WDFY4: variants seen among roughly 807,000 people sequenced by gnomAD.
WDFY4 encodes the protein WDFY family member 4, also known as WD repeat- and FYVE domain-containing protein 4.
Under a neutral mutation model 351.9 loss-of-function variants are expected in WDFY4, and 169 were observed. That is an observed-to-expected ratio of 0.48 (90% CI 0.42 to 0.55). WDFY4 has a LOEUF of 0.55. WDFY4 is among the 20% of genes least tolerant of loss of function. WDFY4 has a pLI of 0.00. For synonymous variants in WDFY4, 1,622 were observed against 1,574.6 expected (o/e 1.03, Z -0.71); for missense variants, 3,803 against 3,935.6 (o/e 0.97, Z 0.90).
chr10:48,732,096 C>G lies in WDFY4; in HGVS notation c.1582+534C>G, dbSNP rs112523316. On this transcript the variant is annotated intron_variant, in intron 9 of 61. Coordinates refer to ENST00000325239, the MANE Select transcript of WDFY4 (RefSeq NM_001394531.1). Reference sequence around the variant, plus strand: ...GCAACATTCCCTTGCCCCTACTTGGCCCCTGCACCCTGGAGTCTCAATCCC... The same window carrying G: ...GCAACATTCCCTTGCCCCTACTTGGGCCCTGCACCCTGGAGTCTCAATCCC... Among the ~76,000 whole-genome samples the G allele has an allele frequency of 4.5e-3, 680 of 152,268 alleles. 5 individuals carry two copies. Among genetic ancestry groups the G allele is most frequent in the African/African-American group, 0.015 (644 of 41,558 alleles).
intron 24 of WDFY4, among the ~76,000 whole-genome samples, chr10:48,797,766 C>A (rs2066923108): frequency 6.6e-6 from 1 of 152,116 alleles, no homozygotes; most frequent in South Asian, 2.1e-4. Context: ...CTTTTAAAAA[C>A]ATTTTCTTAG....
chr10:48,812,216 A>T (rs1285547796), intron 30 of WDFY4, among the ~76,000 whole-genome samples: 1 of 138,684 alleles, frequency 7.2e-6, no homozygotes, highest in African/African-American at 3.0e-5. Context: ...TTTGAGACAG[A>T]GTCTTACTGT....
At chr10:48,775,856 T>C (rs762283182) in intron 15 of WDFY4, 50 bp downstream of exon 15, 2 of 1,468,814 alleles carry the variant, frequency 1.4e-6, no homozygotes, top group African/African-American at 1.4e-5. Context: ...TAAAAGATGA[T>C]AGGCATTCCT....
chr10:48,813,986 C>T lies in WDFY4; in HGVS notation c.5244C>T (p.Leu1748=), dbSNP rs762270124. 10 of 1,550,076 alleles carry T rather than the reference C, an allele frequency of 6.5e-6. No individual in the cohort carries two copies. Among genetic ancestry groups the T allele is most frequent in the Middle Eastern group, 3.3e-4 (2 of 5,980 alleles). ...GCCTTGATGCCATGCTTCAGTGGCTCCTGCAGAGGCACCACCAGGAAGAAG... is the reference window on the plus strand; with the variant it reads ...GCCTTGATGCCATGCTTCAGTGGCTTCTGCAGAGGCACCACCAGGAAGAAG... ...KDSLDAMLQW[L]LQRHHQEEVL... The change falls in exon 31 of 62, where the codon CTC becomes CTT. Residue 1748 remains leucine (L), a synonymous_variant. Transcript: ENST00000325239.
chr10:48,941,242 G>A (rs994457423), intron 47 of WDFY4, among the ~76,000 whole-genome samples: 2 of 152,176 alleles, frequency 1.3e-5, no homozygotes, highest in South Asian at 2.1e-4. Context: ...AGAACCGGGT[G>A]TACGATGTGA....
At chr10:48,961,651 G>T (rs1841865215) in intron 53 of WDFY4, among the ~76,000 whole-genome samples, 1 of 152,192 alleles carries the variant, frequency 6.6e-6, no homozygotes, top group African/African-American at 2.4e-5. Context: ...GGAACCGAGA[G>T]GCCAGAGATC....
At position 48,774,524 on chromosome 10, in the gene WDFY4, C is replaced by T. The variant is rs1348846634; in HGVS notation, c.2620C>T (p.Arg874Cys). ...GTCCCTGGTGAAGTCGGAGAAGAAC[C>T]GCCAGGTCATGTGCGAAGCAGGCTT... ...IQSLVKSEKN[R>C]QVMCEAGLLG... The change falls in exon 14 of 62, where the codon CGC becomes TGC. Residue 874 changes from arginine (R) to cysteine (C), a missense_variant. By Grantham distance (180) the Arg-to-Cys change is radical. Around this residue, in one of 3 missense-constraint regions of WDFY4, gnomAD observed 3,054 missense variants for 3,148.6 expected, o/e 0.97. Coordinates refer to ENST00000325239, the MANE Select transcript of WDFY4 (RefSeq NM_001394531.1). The T allele has an allele frequency of 3.9e-6, 6 of 1,551,602 alleles. No individual in the cohort carries two copies. The highest frequency in any genetic ancestry group is 5.2e-6 in the Non-Finnish European group (6 of 1,146,994).
intron 7 of WDFY4, among the ~76,000 whole-genome samples, chr10:48,728,121 T>C (rs2064329999): frequency 6.6e-6 from 1 of 152,214 alleles, no homozygotes; most frequent in African/African-American, 2.4e-5. Flanking sequence ...CCCAGAAGGA[T>C]TAGCTCCAGT....
In WDFY4 at chr10:48,819,109, C is replaced by T. The variant is rs138259998; in HGVS notation, c.5506-1125C>T. On this transcript the variant is annotated intron_variant, in intron 32 of 61. Coordinates refer to ENST00000325239, the MANE Select transcript of WDFY4 (RefSeq NM_001394531.1). ...TGCACACTCTGACCCAGGGCTCCTG[C>T]TCCCCATGGTCAGCAGTTCCTGCCC... Among the ~76,000 whole-genome samples, 752 of 152,372 alleles carry T rather than the reference C, an allele frequency of 4.9e-3. 4 individuals are homozygous for T. The highest frequency in any genetic ancestry group is 0.017 in the African/African-American group (711 of 41,588).
chr10:48,821,251 C>T lies in WDFY4; in HGVS notation c.5824+75C>T, dbSNP rs377107749. 57 of 1,198,874 alleles carry T rather than the reference C, an allele frequency of 4.8e-5. No individual in the cohort carries two copies. The African/African-American group carries it at 7.6e-4, about 16-fold the overall frequency. 74.3% of individuals were successfully genotyped at this position (1,198,874 alleles called of 1,614,324 possible). A position where few individuals can be genotyped will look rare whatever the true frequency, so the allele number is the denominator to read the frequency against. On this transcript the variant is annotated intron_variant, in intron 34 of 61. Coordinates refer to ENST00000325239, the MANE Select transcript of WDFY4 (RefSeq NM_001394531.1). ...AGTGGAGAGGAAACCAGCATGCTGG[C>T]CAGGAACTGACCCTAGCTGTGGGAT... is the stretch of plus-strand genomic sequence containing the variant.
intron 52 of WDFY4, 35 bp downstream of exon 52, chr10:48,957,317 G>C: frequency 1.3e-6 from 2 of 1,539,614 alleles, no homozygotes; most frequent in Non-Finnish European, 1.8e-6. Context: ...GGTGAGTGGC[G>C]TTGCAGGGTG....
At chr10:48,938,280 G>A (rs908873436) in intron 47 of WDFY4, among the ~76,000 whole-genome samples, 3 of 152,236 alleles carry the variant, frequency 2.0e-5, no homozygotes, top group East Asian at 3.8e-4. Context: ...TTAACCTGCA[G>A]GCCCTCTGTA....
At chr10:48,805,821 C>T (rs1335791389) in intron 26 of WDFY4, among the ~76,000 whole-genome samples, 183 bp from the exon 27 acceptor site, 2 of 152,188 alleles carry the variant, frequency 1.3e-5, no homozygotes, top group Non-Finnish European at 1.5e-5. Context: ...CCAGAGTTAG[C>T]GTCTCTGGTG....
intron 39 of WDFY4, among the ~76,000 whole-genome samples, chr10:48,850,970 C>T (rs1175295635): frequency 6.6e-6 from 1 of 152,218 alleles, no homozygotes; most frequent in Non-Finnish European, 1.5e-5. Context: ...GGCAAATATA[C>T]ACAGATTTAA....
At chr10:48,830,442 A>T (rs10857655) in intron 37 of WDFY4, among the ~76,000 whole-genome samples, 66,846 of 151,990 alleles carry the variant, frequency 0.44, 15,621 homozygotes, top group East Asian at 0.83. Flanking sequence ...AGTCCTGGAC[A>T]TGTGAGGCAG....
intron 12 of WDFY4, among the ~76,000 whole-genome samples, chr10:48,756,861 G>T (rs1300973257): frequency 6.6e-6 from 1 of 151,912 alleles, no homozygotes; most frequent in African/African-American, 2.4e-5. Flanking sequence ...GAGGATTTTT[G>T]CACCTATGTT....
At position 48,810,612 on chromosome 10, in the gene WDFY4, GTGCTGGCATTGAAGCTGC is replaced by G; in HGVS notation, c.4927_4944del (p.Ala1643_Leu1648del). On this transcript the variant is annotated inframe_deletion, in exon 29 of 62. Coordinates refer to ENST00000325239, the MANE Select transcript of WDFY4 (RefSeq NM_001394531.1). ...GGGCCACCTGCATGCCAGCACCACT[GTGCTGGCATTGAAGCTGC>G]TGCTGTACTTTCTGGCAAGCCCCTC... 1 of 1,551,018 alleles carries G rather than the reference GTGCTGGCATTGAAGCTGC, an allele frequency of 6.4e-7. No homozygotes were observed. Among genetic ancestry groups the G allele is most frequent in the Non-Finnish European group, 8.7e-7 (1 of 1,146,980 alleles).
chr10:48,917,872 T>G (rs1232518892), intron 47 of WDFY4, among the ~76,000 whole-genome samples: 3 of 152,154 alleles, frequency 2.0e-5, no homozygotes, highest in African/African-American at 7.2e-5. Flanking sequence ...AAAATATGTA[T>G]GTGATCGAAA....
chr10:48,883,110 C>A (rs2070319125), intron 43 of WDFY4, among the ~76,000 whole-genome samples: 1 of 152,190 alleles, frequency 6.6e-6, no homozygotes, highest in Non-Finnish European at 1.5e-5. Flanking sequence ...GGCTCCTGGC[C>A]CCATGTTCTT....
Sources: gnomAD v4.1 joint callset for allele counts (sites outside exome capture counted in the v4.1 genomes callset) on GRCh38, gnomAD v4.1.1 for gene constraint, gnomAD v4.1.1 regional missense constraint, MANE v1.5 for transcripts, NCBI Gene and HGNC (gene_info 2026-07-23, HGNC 2026-07-21) for gene names.